Variants in TOR1AIP1 observed in about 807,000 individuals in gnomAD.
TOR1AIP1 encodes torsin 1A interacting protein 1, also known as torsin-1A-interacting protein 1.
In TOR1AIP1, 54 loss-of-function variants were observed where a neutral mutation model predicts 63.3. The observed-to-expected ratio is 0.85, with a 90% CI of 0.69 to 1.07. TOR1AIP1 has a LOEUF of 1.07. Among genes scored for constraint, TOR1AIP1 ranks in the 50% least tolerant of loss-of-function variants. TOR1AIP1 has a pLI of 0.00. For missense variants in TOR1AIP1, 736 were observed against 715.0 expected, an observed-to-expected ratio of 1.03 and a Z score of -0.33; for synonymous variants, 294 against 273.5, an observed-to-expected ratio of 1.07 and a Z score of -0.74.
At chr1:179,889,175 A>G in intron 2 of TOR1AIP1, 138 bp from the exon 3 acceptor site, 2 of 527,958 alleles carry the variant, frequency 3.8e-6, no homozygotes, top group Non-Finnish European at 6.2e-6. Flanking sequence ...TGTCACTTAG[A>G]AAGCTTGTCT....
chr1:179,911,359 G>A (rs538841435), intron 8 of TOR1AIP1, among the ~76,000 whole-genome samples: 1 of 152,244 alleles, frequency 6.6e-6, no homozygotes, highest in Non-Finnish European at 1.5e-5. Flanking sequence ...GGAAAAAAAA[G>A]TCATTTTTAG....
chr1:179,882,540 A>C lies in TOR1AIP1; in HGVS notation c.38A>C (p.Glu13Ala). 1 of 1,475,598 alleles carries C rather than the reference A, an allele frequency of 6.8e-7. No individual in the cohort carries two copies. The highest frequency in any genetic ancestry group is 9.0e-7 in the Non-Finnish European group (1 of 1,115,070). 91.4% of individuals were successfully genotyped at this position (1,475,598 alleles called of 1,614,324 possible). Residue 13 changes from glutamate (E) to alanine (A), a missense_variant, in exon 1 of 10, where the codon GAA (glutamate) becomes GCA (alanine). By Grantham distance (107) the Glu-to-Ala change is moderately radical. Transcript: ENST00000606911. The stretch of plus-strand genomic sequence containing the variant: ...GGGCGGCGGGCAGAGGCGGTGCGGG[A>C]AGGATGGGGTGTGTACGTCACCCCC... The part of the protein sequence containing the change: ...GDGRRAEAVR[E>A]GWGVYVTPRA...
Position 179,917,603 on chromosome 1 carries a change from G to A in TOR1AIP1, c.1116G>A (p.Met372Ile). The change falls in exon 10 of 10, where the codon ATG becomes ATA. Residue 372 changes from methionine (M) to isoleucine (I), a missense_variant. Coordinates refer to ENST00000606911, the MANE Select transcript of TOR1AIP1 (RefSeq NM_015602.4). ...TTAVQEFQNQ[M>I]NQLKNKYQGQ... Reference sequence around the variant, plus strand: ...CTGTTCAAGAGTTCCAGAACCAGATGAATCAACTTAAGAATAAGTACCAAG... The same window carrying A: ...CTGTTCAAGAGTTCCAGAACCAGATAAATCAACTTAAGAATAAGTACCAAG... The A allele has an allele frequency of 6.2e-7, 1 of 1,614,122 alleles. No individual in the cohort carries two copies.
intron 3 of TOR1AIP1, among the ~76,000 whole-genome samples, chr1:179,890,299 C>T (rs994435267): frequency 3.3e-5 from 5 of 151,992 alleles, no homozygotes; most frequent in Admixed American, 2.6e-4. Flanking sequence ...GTTTTTTTGG[C>T]TCTTAAAGAT....
intron 3 of TOR1AIP1, among the ~76,000 whole-genome samples, chr1:179,895,410 T>C (rs1648232491): frequency 6.6e-6 from 1 of 152,062 alleles, no homozygotes; most frequent in African/African-American, 2.4e-5. Flanking sequence ...CCCAGGAATT[T>C]AGCCTGGGCA....
At chr1:179,888,541 A>T (rs763809207) in intron 2 of TOR1AIP1, among the ~76,000 whole-genome samples, 34 of 152,264 alleles carry the variant, frequency 2.2e-4, no homozygotes, top group Non-Finnish European at 3.4e-4. Flanking sequence ...GATATTTCAT[A>T]GAATTTTAGA....
intron 3 of TOR1AIP1, among the ~76,000 whole-genome samples, chr1:179,899,099 C>T (rs1292212458): frequency 6.6e-6 from 1 of 151,986 alleles, no homozygotes; most frequent in African/African-American, 2.4e-5. Flanking sequence ...ATACTATTGT[C>T]CCTTTTAATA....
chr1:179,914,660 G>A (rs1479129123), intron 9 of TOR1AIP1, among the ~76,000 whole-genome samples: 2 of 152,126 alleles, frequency 1.3e-5, no homozygotes, highest in Non-Finnish European at 2.9e-5. Context: ...TGGGCGTGGT[G>A]GCACACGCCT....
At chr1:179,893,503 C>T (rs547691476) in intron 3 of TOR1AIP1, among the ~76,000 whole-genome samples, 1 of 151,974 alleles carries the variant, frequency 6.6e-6, no homozygotes, top group Admixed American at 6.6e-5. Context: ...TGTAGTGGTG[C>T]GATCTCAGCT....
At chr1:179,898,658 T>C (rs2148475872) in intron 3 of TOR1AIP1, among the ~76,000 whole-genome samples, 1 of 152,172 alleles carries the variant, frequency 6.6e-6, no homozygotes, top group Non-Finnish European at 1.5e-5. Context: ...GGCTAGGAGA[T>C]GGGAGGATTG....
At position 179,882,385 on chromosome 1, in the gene TOR1AIP1, C is replaced by A; in HGVS notation, c.-118C>A. On this transcript the variant is annotated 5_prime_UTR_variant, in exon 1 of 10. Transcript: ENST00000606911. ...CGGCGGCCCCAGCGACTCGCAACTGCCTCCCTGACCACAGCGGCCACCGCC... is the reference window on the plus strand; with the variant it reads ...CGGCGGCCCCAGCGACTCGCAACTGACTCCCTGACCACAGCGGCCACCGCC... The A allele has an allele frequency of 9.2e-7, 1 of 1,084,154 alleles. No individual in the cohort carries two copies. The highest frequency in any genetic ancestry group is 1.2e-6 in the Non-Finnish European group (1 of 815,962). 67.2% of individuals were successfully genotyped at this position (1,084,154 alleles called of 1,614,324 possible). A position where few individuals can be genotyped will look rare whatever the true frequency, so the allele number is the denominator to read the frequency against.
At chr1:179,883,086 G>A (rs1487825020) in intron 1 of TOR1AIP1, 109 bp downstream of exon 1, 2 of 1,006,816 alleles carry the variant, frequency 2.0e-6, no homozygotes, top group Non-Finnish European at 3.0e-6. Context: ...ACTGGGATTG[G>A]CTAAAGGGTA....
chr1:179,907,655 T>TCA (rs1388835823), intron 6 of TOR1AIP1, among the ~76,000 whole-genome samples, 168 bp from the exon 7 acceptor site: 1 of 138,798 alleles, frequency 7.2e-6, no homozygotes, highest in Non-Finnish European at 1.6e-5. Context: ...TGTATGTTTT[T>TCA]TATATATATA....
chr1:179,894,083 C>T (rs1182278127), intron 3 of TOR1AIP1, among the ~76,000 whole-genome samples: 2 of 150,950 alleles, frequency 1.3e-5, no homozygotes, highest in South Asian at 2.1e-4. Context: ...AACCCCATCT[C>T]TACTAAAAAT....
chr1:179,895,321 AT>A lies in TOR1AIP1; in HGVS notation c.611-4798del, dbSNP rs111998093. On this transcript the variant is annotated intron_variant, in intron 3 of 9. Transcript: ENST00000606911. ...AGAGTAATACCTTTTTTAAAAAAGT[AT>A]TTTTTTAAGGCCAGGCATGGTGGCT... Among the ~76,000 whole-genome samples, 617 of 152,266 alleles carry A rather than the reference AT, an allele frequency of 4.1e-3. 5 individuals carry two copies. The highest frequency in any genetic ancestry group is 0.014 in the African/African-American group (587 of 41,560).
At chr1:179,901,204 G>A in intron 4 of TOR1AIP1, 98 bp from the exon 5 acceptor site, 1 of 682,520 alleles carries the variant, frequency 1.5e-6, no homozygotes, top group Non-Finnish European at 2.3e-6. Flanking sequence ...AACTTAAAAG[G>A]CTTCTTTTAA....
At position 179,900,012 on chromosome 1, in the gene TOR1AIP1, A is replaced by G. The variant is rs1241446266; in HGVS notation, c.611-114A>G. The G allele has an allele frequency of 1.1e-5, 8 of 710,292 alleles. No individual in the cohort carries two copies. The Admixed American group carries it at 1.6e-4, about 15-fold the overall frequency. 44.0% of individuals were successfully genotyped at this position (710,292 alleles called of 1,614,324 possible). ...CCTCATGTTCATTTTCCTAAACGAGATGCTCTTTTATTTATTCCTAAGCTT... is the reference window on the plus strand; with the variant it reads ...CCTCATGTTCATTTTCCTAAACGAGGTGCTCTTTTATTTATTCCTAAGCTT... On this transcript the variant is annotated intron_variant, in intron 3 of 9. Coordinates refer to ENST00000606911, the MANE Select transcript of TOR1AIP1 (RefSeq NM_015602.4).
Position 179,917,553 on chromosome 1 carries a change from A to T in TOR1AIP1, c.1066A>T (p.Ser356Cys). 1 of 1,614,134 alleles carries T rather than the reference A, an allele frequency of 6.2e-7. No homozygotes were observed. The highest frequency in any genetic ancestry group is 8.5e-7 in the Non-Finnish European group (1 of 1,180,042). Residue 356 changes from serine (S) to cysteine (C), a missense_variant, in exon 10 of 10, where the codon AGT becomes TGT. Ser to Cys is a moderately radical substitution (Grantham distance 112, BLOSUM62 -1). This residue lies in a region of TOR1AIP1 where 272 missense variants were observed against 344.1 expected (regional missense o/e 0.79). Coordinates refer to ENST00000606911, the MANE Select transcript of TOR1AIP1 (RefSeq NM_015602.4). ...ALASGSFWFFSTPEVETTAVQ... is the reference protein window; with the variant it reads ...ALASGSFWFFCTPEVETTAVQ... ...TGCCTCTGGGAGTTTTTGGTTCTTT[A>T]GTACTCCTGAGGTAGAAACCACTGC...
chr1:179,904,028 T>G lies in TOR1AIP1; in HGVS notation c.796+6T>G. The G allele has an allele frequency of 6.2e-7, 1 of 1,602,552 alleles. No individual in the cohort carries two copies. The highest frequency in any genetic ancestry group is 1.1e-5 in the South Asian group (1 of 89,716). On this transcript the variant is annotated splice_donor_region_variant and intron_variant, in intron 6 of 9. Coordinates refer to ENST00000606911, the MANE Select transcript of TOR1AIP1 (RefSeq NM_015602.4). Reference sequence around the variant, plus strand: ...ATTTTGGCAGTCATCACAAAGTAAGTAAAGCTGTGTTTACAGTGTCTTCCT... The same window carrying G: ...ATTTTGGCAGTCATCACAAAGTAAGGAAAGCTGTGTTTACAGTGTCTTCCT...
Sources: gnomAD v4.1 joint callset for allele counts (sites outside exome capture counted in the v4.1 genomes callset) on GRCh38, gnomAD v4.1.1 for gene constraint, gnomAD v4.1.1 regional missense constraint, MANE v1.5 for transcripts, NCBI Gene and HGNC (gene_info 2026-07-23, HGNC 2026-07-21) for gene names.